The following CDH23 variants were observed in gnomAD, a reference collection of about 807,000 sequenced individuals.
The protein encoded by CDH23 is cadherin-23.
A neutral mutation model predicts 317.1 loss-of-function variants in CDH23; 189 were observed. The observed-to-expected ratio is 0.60, with a 90% CI of 0.53 to 0.67. The LOEUF is 0.67. Among genes scored for constraint, CDH23 ranks in the 30% least tolerant of loss-of-function variants. The pLI is 0.00. For synonymous variants in CDH23, 1,839 were observed against 1,876.8 expected (o/e 0.98, Z 0.52); for missense variants, 4,401 against 4,592.4 (o/e 0.96, Z 1.20).
At chr10:71,689,148 G>A (rs1865079848) in intron 19 of CDH23, among the ~76,000 whole-genome samples, 1 of 148,336 alleles carries the variant, frequency 6.7e-6, no homozygotes, top group East Asian at 2.1e-4. Context: ...CAGGGGTGGT[G>A]GAGTCAGGGA....
rs1247289646 is a variant in CDH23, at chr10:71,803,032, T to C, written c.7617T>C (p.Gly2539=). 6.2e-7 allele frequency: 1 copy of C among 1,613,454 alleles called. No homozygotes were observed. The highest frequency in any genetic ancestry group is 2.2e-5 in the East Asian group (1 of 44,840). The change falls in exon 54 of 70, where the codon GGT becomes GGC. Residue 2539 remains glycine, a synonymous_variant. Transcript: ENST00000224721. ...ITMMATDQDE[G]PNGELTYSLE... is the part of the protein sequence containing the mutation. ...TGATGGCCACTGACCAGGATGAAGG[T>C]CCCAATGGAGAGTTGACCTACTCAC...
intron 28 of CDH23, chr10:71,716,411 A>C (rs554875249): frequency 7.8e-7 from 1 of 1,280,112 alleles, no homozygotes; most frequent in East Asian, 2.6e-5. Flanking sequence ...TATAGGGAAG[A>C]CTTACCTAGG....
At position 71,793,502 on chromosome 10, in the gene CDH23, G is replaced by A; in HGVS notation, c.6574G>A (p.Val2192Ile). ...GCTGGAGTCGGCTGAGCCAGGCACT[G>A]TCATTGCCAATATCACGGCCATTGA... is the stretch of plus-strand genomic sequence containing the variant. ...SVLESAEPGT[V>I]IANITAIDHD... Residue 2192 changes from valine to isoleucine, a missense_variant, in exon 48 of 70, where the codon GTC (valine) becomes ATC (isoleucine). Val to Ile is a conservative substitution (Grantham distance 29, BLOSUM62 3). Coordinates refer to ENST00000224721, the MANE Select transcript of CDH23 (RefSeq NM_022124.6). The A allele has an allele frequency of 6.2e-7, 1 of 1,613,952 alleles. No individual in the cohort carries two copies. The highest frequency in any genetic ancestry group is 8.5e-7 in the Non-Finnish European group (1 of 1,179,886).
chr10:71,780,330 C>T (rs1320720674), intron 41 of CDH23, among the ~76,000 whole-genome samples: 1 of 152,102 alleles, frequency 6.6e-6, no homozygotes, highest in Non-Finnish European at 1.5e-5. Flanking sequence ...ACTTAGTATA[C>T]TGGGAGGTGC....
At chr10:71,754,252 G>A (rs899695920) in intron 38 of CDH23, among the ~76,000 whole-genome samples, 10 of 152,276 alleles carry the variant, frequency 6.6e-5, no homozygotes, top group Admixed American at 3.3e-4. Context: ...TGTGTTCTAG[G>A]AGAGGAATAG....
At chr10:71,739,444 G>A (rs749179798) in intron 35 of CDH23, among the ~76,000 whole-genome samples, 200 bp from the exon 36 acceptor site, 2 of 152,148 alleles carry the variant, frequency 1.3e-5, no homozygotes, top group Admixed American at 6.5e-5. Flanking sequence ...AACTTTCCAT[G>A]GGTGCTACAC....
chr10:71,652,205 A>C (rs920199249), intron 14 of CDH23, among the ~76,000 whole-genome samples: 4 of 152,116 alleles, frequency 2.6e-5, no homozygotes. Context: ...GGCTGGCTGG[A>C]GGTGGCCTAA....
At chr10:71,563,285 C>T (rs771436926) in intron 6 of CDH23, among the ~76,000 whole-genome samples, 7 of 152,174 alleles carry the variant, frequency 4.6e-5, no homozygotes, top group Non-Finnish European at 1.0e-4. Flanking sequence ...TTCCTTCCAG[C>T]TCCTGCATTC....
intron 38 of CDH23, among the ~76,000 whole-genome samples, chr10:71,770,444 GCCCTGGCATGCATGT>G (rs59707055): frequency 0.6 from 91,483 of 151,914 alleles, 28,302 homozygotes; most frequent in Non-Finnish European, 0.69. Flanking sequence ...CTGTACGGAA[GCCCTGGCATGCATGT>G]CCCTGGCTTT....
chr10:71,802,080 G>A (rs1348166242), intron 53 of CDH23, among the ~76,000 whole-genome samples: 1 of 152,218 alleles, frequency 6.6e-6, no homozygotes, highest in African/African-American at 2.4e-5. Flanking sequence ...GGCCGAGGCG[G>A]GGGGATCACC....
At chr10:71,758,367 T>C (rs1589401608) in intron 38 of CDH23, among the ~76,000 whole-genome samples, 1 of 152,304 alleles carries the variant, frequency 6.6e-6, no homozygotes, top group South Asian at 2.1e-4. Flanking sequence ...ACTGGATGTC[T>C]GACACATACA....
intron 6 of CDH23, among the ~76,000 whole-genome samples, chr10:71,545,569 TCATTCAAGAAA>T (rs1377445634): frequency 6.6e-6 from 1 of 152,204 alleles, no homozygotes; most frequent in East Asian, 1.9e-4. Flanking sequence ...ATTCATTTAT[TCATTCAAGAAA>T]CAGTTCTTCA....
chr10:71,609,940 A>G (rs1333548898), intron 9 of CDH23, among the ~76,000 whole-genome samples: 2 of 147,862 alleles, frequency 1.4e-5, no homozygotes, highest in African/African-American at 5.0e-5. Context: ...CAGAATGTGT[A>G]AGGACTCCCC....
chr10:71,799,457 T>A, intron 51 of CDH23, 35 bp from the exon 52 acceptor site: 2 of 1,613,660 alleles, frequency 1.2e-6, no homozygotes, highest in South Asian at 2.2e-5. Context: ...GGACTGACCT[T>A]GGCCTACTCT....
chr10:71,618,806 C>T (rs1861324501), intron 11 of CDH23, among the ~76,000 whole-genome samples: 1 of 151,812 alleles, frequency 6.6e-6, no homozygotes, highest in South Asian at 2.1e-4. Flanking sequence ...TCAGTCCCAC[C>T]ATGTGCCTGT....
intron 3 of CDH23, among the ~76,000 whole-genome samples, chr10:71,463,713 G>A (rs1851119741): frequency 1.3e-5 from 2 of 152,234 alleles, no homozygotes; most frequent in Non-Finnish European, 2.9e-5. Context: ...CTGAGAGCCA[G>A]GACCCAGAGA....
At chr10:71,548,641 G>C (rs1856419122) in intron 6 of CDH23, among the ~76,000 whole-genome samples, 1 of 152,238 alleles carries the variant, frequency 6.6e-6, no homozygotes, top group Non-Finnish European at 1.5e-5. Context: ...TGTACACACA[G>C]AGACAGAGGG....
intron 8 of CDH23, among the ~76,000 whole-genome samples, chr10:71,574,963 C>G (rs992541586): frequency 1.3e-5 from 2 of 152,080 alleles, no homozygotes; most frequent in African/African-American, 4.8e-5. Flanking sequence ...CCACCCCCCA[C>G]TGCACCATGT....
At chr10:71,542,372 C>T (rs183815021) in intron 6 of CDH23, among the ~76,000 whole-genome samples, 6 of 152,158 alleles carry the variant, frequency 3.9e-5, no homozygotes, top group East Asian at 1.9e-4. Flanking sequence ...TCCCTAGGAT[C>T]GTCCAGCTGG....
Sources: gnomAD v4.1 joint callset for allele counts (sites outside exome capture counted in the v4.1 genomes callset) on GRCh38, gnomAD v4.1.1 for gene constraint, MANE v1.5 for transcripts, NCBI Gene and HGNC (gene_info 2026-07-23, HGNC 2026-07-21) for gene names.